The following SUN5 variants were observed in gnomAD, a reference collection of about 807,000 sequenced individuals.
SUN5 encodes the protein SUN domain-containing protein 5.
In SUN5, 44 loss-of-function variants were observed where a neutral mutation model predicts 53.7. The observed-to-expected ratio is 0.82, with a 90% CI of 0.64 to 1.05. SUN5 has a LOEUF of 1.05. Among genes scored for constraint, SUN5 ranks in the 50% least tolerant of loss-of-function variants. The probability of loss-of-function intolerance (pLI) is 0.00; values close to 1 mark genes in which losing one functional copy is unlikely to be tolerated. For missense variants in SUN5, 433 were observed against 483.8 expected, an observed-to-expected ratio of 0.90 and a Z score of 0.98; for synonymous variants, 166 against 179.8, an observed-to-expected ratio of 0.92 and a Z score of 0.62.
In SUN5 at chr20:33,004,372, T is replaced by C. The variant is rs1326946728; in HGVS notation, c.-32A>G. ...CCTTCTTTAGGATTGGGGATGGAGA[T>C]GGGAACTCTGGGAGCTGGTGAGGAG... is the stretch of plus-strand genomic sequence containing the variant. On this transcript the variant is annotated 5_prime_UTR_variant, in exon 1 of 13. Transcript: ENST00000356173. 2 of 1,529,936 alleles carry C rather than the reference T, an allele frequency of 1.3e-6. No homozygotes were observed. Among genetic ancestry groups the C allele is most frequent in the Non-Finnish European group, 1.8e-6 (2 of 1,136,448 alleles). The allele number at this position is 1,529,936 out of a possible 1,614,324, so 94.8% of individuals were successfully genotyped here.
rs1479881495 is a variant in SUN5 at position 33,002,928 on chromosome 20, G to A, written c.78-9C>T. On this transcript the variant is annotated splice_polypyrimidine_tract_variant and intron_variant, in intron 1 of 12. Coordinates refer to ENST00000356173, the MANE Select transcript of SUN5 (RefSeq NM_080675.4). ...GGCCTCGCTGGGCAATCCTGGGGAT[G>A]ATAAGATTCATAGTCGCATTTTACA... The A allele has an allele frequency of 1.2e-6, 2 of 1,614,062 alleles. No individual in the cohort carries two copies. Among genetic ancestry groups the A allele is most frequent in the East Asian group, 4.5e-5 (2 of 44,872 alleles).
chr20:32,997,690 G>GT lies in SUN5; in HGVS notation c.341-4dup. 1 of 1,613,996 alleles carries GT rather than the reference G, an allele frequency of 6.2e-7. No individual in the cohort carries two copies. The highest frequency in any genetic ancestry group is 8.5e-7 in the Non-Finnish European group (1 of 1,179,978). Reference sequence around the variant, plus strand: ...GTGAATAGAAAACATCCAGAATCCTGTGAGGCCATGAGAATAAGAATGAGC... The same window carrying GT: ...GTGAATAGAAAACATCCAGAATCCTGTTGAGGCCATGAGAATAAGAATGAGC... On this transcript the variant is annotated splice_region_variant and splice_polypyrimidine_tract_variant and intron_variant, in intron 5 of 12. Transcript: ENST00000356173.
intron 8 of SUN5, among the ~76,000 whole-genome samples, chr20:32,991,056 T>C (rs1292586220): frequency 6.6e-6 from 1 of 152,086 alleles, no homozygotes; most frequent in Non-Finnish European, 1.5e-5. Context: ...CCCCAACTCC[T>C]CCCCTCGTTT....
At chr20:32,987,552 C>G in intron 10 of SUN5, 108 bp downstream of exon 10, 3 of 598,680 alleles carry the variant, frequency 5.0e-6, no homozygotes, top group Admixed American at 2.9e-5. Context: ...CCCGCCCCTG[C>G]CCCCACTCCC....
In SUN5 at chr20:32,985,811, G is replaced by T. The variant is rs1483596705; in HGVS notation, c.822C>A (p.Leu274=). The change falls in exon 11 of 13, where the codon CTC becomes CTA. Residue 274 remains leucine, a synonymous_variant. Coordinates refer to ENST00000356173, the MANE Select transcript of SUN5 (RefSeq NM_080675.4). ...TGGTCTTGGGGATGTGCTGCAGCGT[G>T]AGGTTGGACAGGTAAACCTTCTGAG... The part of the protein sequence containing the change: ...QLAQKVYLSN[L]TLQHIPKTIS... 2 of 1,614,198 alleles carry T rather than the reference G, an allele frequency of 1.2e-6. No individual in the cohort carries two copies. Among genetic ancestry groups the T allele is most frequent in the Non-Finnish European group, 1.7e-6 (2 of 1,180,012 alleles).
At chr20:32,988,838 C>T (rs1377090705) in intron 9 of SUN5, among the ~76,000 whole-genome samples, 2 of 152,028 alleles carry the variant, frequency 1.3e-5, no homozygotes, top group East Asian at 1.9e-4. Flanking sequence ...ATCCGCCTTC[C>T]TCGGCCTCCC....
In SUN5 at chr20:32,983,946, G is replaced by A. The variant is rs1424078744; in HGVS notation, c.988C>T (p.Gln330Ter). 1 of 1,573,176 alleles carries A rather than the reference G, an allele frequency of 6.4e-7. No individual in the cohort carries two copies. The highest frequency in any genetic ancestry group is 1.4e-5 in the African/African-American group (1 of 73,682). ...ACCGCACTGAAAGCCCGGGCCGGCTGGTTCTGGAAGAGAATCAGTCACAGA... is the reference window on the plus strand; with the variant it reads ...ACCGCACTGAAAGCCCGGGCCGGCTAGTTCTGGAAGAGAATCAGTCACAGA... Reference protein sequence around the residue: ...NIIQMFPLQNQPARAFSAVKV... With the variant: ...NIIQMFPLQN The change falls in exon 13 of 13, where the codon CAG (glutamine) becomes TAG (stop). Residue 330 changes from glutamine (Q) to a stop codon, truncating the protein, a stop_gained. Transcript: ENST00000356173. LOFTEE classifies it low-confidence loss of function (END_TRUNC).
At chr20:32,989,412 TCCCAC>T (rs1283153757) in intron 9 of SUN5, among the ~76,000 whole-genome samples, 2 of 118,664 alleles carry the variant, frequency 1.7e-5, no homozygotes, top group Non-Finnish European at 3.5e-5. Flanking sequence ...CCGTGTTCCC[TCCCAC>T]CCCACCCCAC....
intron 7 of SUN5, among the ~76,000 whole-genome samples, 195 bp from the exon 8 acceptor site, chr20:32,995,922 T>C (rs1266552979): frequency 6.6e-6 from 1 of 152,176 alleles, no homozygotes; most frequent in Admixed American, 6.5e-5. Context: ...GCTTGGAATA[T>C]CTTTATACCC....
At chr20:33,001,356 G>C (rs1262468730) in intron 3 of SUN5, 78 bp from the exon 4 acceptor site, 1 of 1,512,052 alleles carries the variant, frequency 6.6e-7, no homozygotes, top group African/African-American at 1.4e-5. Flanking sequence ...GACCTTTCTG[G>C]GGCTGGGGGA....
At chr20:32,995,581 G>T in intron 8 of SUN5, 38 bp downstream of exon 8, 1 of 1,561,566 alleles carries the variant, frequency 6.4e-7, no homozygotes, top group Non-Finnish European at 8.8e-7. Context: ...CAAACAAAGA[G>T]AAATTAGATG....
At chr20:32,988,389 A>G (rs1286441584) in intron 9 of SUN5, among the ~76,000 whole-genome samples, 1 of 152,076 alleles carries the variant, frequency 6.6e-6, no homozygotes, top group Non-Finnish European at 1.5e-5. Context: ...CCTGCGGCCC[A>G]TACTTTGCCT....
chr20:32,989,548 C>A, intron 9 of SUN5, 72 bp downstream of exon 9: 5 of 1,390,896 alleles, frequency 3.6e-6, no homozygotes, highest in Non-Finnish European at 5.1e-6. Flanking sequence ...CACACCAGAA[C>A]TGAAACCCAC....
Position 32,983,904 on chromosome 20 carries a change from T to C in SUN5, c.1030A>G (p.Ser344Gly). Reference protein sequence around the residue: ...AFSAVKVKISSNWGNPGFTCL... With the variant: ...AFSAVKVKISGNWGNPGFTCL... The stretch of plus-strand genomic sequence containing the variant: ...GTGAAGCCTGGGTTCCCCCAGTTGC[T>C]TGAGATCTTCACCTTGACCGCACTG... Residue 344 changes from serine to glycine, a missense_variant, in exon 13 of 13, where the codon AGC becomes GGC. By Grantham distance (56) the Ser-to-Gly change is moderately conservative (BLOSUM62 0). Coordinates refer to ENST00000356173, the MANE Select transcript of SUN5 (RefSeq NM_080675.4). The C allele has an allele frequency of 6.3e-7, 1 of 1,598,298 alleles. No homozygotes were observed. The highest frequency in any genetic ancestry group is 2.3e-5 in the East Asian group (1 of 43,854).
Position 32,995,646 on chromosome 20 carries a change from G to C in SUN5, c.507C>G (p.Leu169=), listed in dbSNP as rs1989828117. The C allele has an allele frequency of 6.2e-7, 1 of 1,614,182 alleles. No homozygotes were observed. The highest frequency in any genetic ancestry group is 8.5e-7 in the Non-Finnish European group (1 of 1,180,034). Residue 169 remains leucine, a synonymous_variant, in exon 8 of 13, where the codon CTC becomes CTG. Coordinates refer to ENST00000356173, the MANE Select transcript of SUN5 (RefSeq NM_080675.4). ...CATCGGACATGGCTTCCATCTCCTG[G>C]AGCTTGGCAATGAGCTGGTTCATGC... The part of the protein sequence containing the change: ...RGSMNQLIAK[L]QEMEAMSDEQ...
At chr20:32,994,455 G>C (rs376398797) in intron 8 of SUN5, among the ~76,000 whole-genome samples, 1 of 152,140 alleles carries the variant, frequency 6.6e-6, no homozygotes, top group Non-Finnish European at 1.5e-5. Flanking sequence ...AGCAGACAAG[G>C]ATTTTTAAAA....
Position 32,997,368 on chromosome 20 carries a change from T to A in SUN5, c.390+270A>T, listed in dbSNP as rs1280378492. On this transcript the variant is annotated intron_variant, in intron 6 of 12. Coordinates refer to ENST00000356173, the MANE Select transcript of SUN5 (RefSeq NM_080675.4). Reference sequence around the variant, plus strand: ...TCACCACCCCACTTTAAGTGGGGCCTTGAGAAAGGAGAGATGGGTCATCTC... The same window carrying A: ...TCACCACCCCACTTTAAGTGGGGCCATGAGAAAGGAGAGATGGGTCATCTC... Among the ~76,000 whole-genome samples the A allele has an allele frequency of 2.6e-5, 4 of 152,128 alleles. No homozygotes were observed. The South Asian group carries it at 8.3e-4, about 32-fold the overall frequency.
At chr20:32,993,884 C>T (rs6141861) in intron 8 of SUN5, among the ~76,000 whole-genome samples, 52,452 of 152,134 alleles carry the variant, frequency 0.34, 9,731 homozygotes, top group East Asian at 0.79. Context: ...ACTTTGAGAT[C>T]CATTACCCTA....
At chr20:32,991,998 G>A (rs1989723076) in intron 8 of SUN5, among the ~76,000 whole-genome samples, 1 of 152,208 alleles carries the variant, frequency 6.6e-6, no homozygotes, top group Non-Finnish European at 1.5e-5. Flanking sequence ...CTGTGTGGGT[G>A]CTGAAACCCA....
Sources: allele counts gnomAD v4.1 joint callset (sites outside exome capture counted in the v4.1 genomes callset), GRCh38; gene constraint gnomAD v4.1.1; transcripts MANE v1.5; gene names NCBI Gene and HGNC (gene_info 2026-07-23, HGNC 2026-07-21).